Variants in GRIK1 observed in about 807,000 individuals in gnomAD.
GRIK1 encodes glutamate receptor ionotropic, kainate 1.
In GRIK1, 69 loss-of-function variants were observed where a neutral mutation model predicts 105.7. The observed-to-expected ratio is 0.65, with a 90% CI of 0.54 to 0.80. The LOEUF is 0.80. Among genes scored for constraint, GRIK1 ranks in the 30% least tolerant of loss-of-function variants. The pLI, the probability that GRIK1 is intolerant of heterozygous loss-of-function variation, is 0.00. For synonymous variants in GRIK1, 438 were observed against 431.3 expected, an observed-to-expected ratio of 1.02 and a Z score of -0.19; for missense variants, 1,109 against 1,167.3, an observed-to-expected ratio of 0.95 and a Z score of 0.73.
At chr21:29,848,547 A>G (rs2068199794) in intron 1 of GRIK1, among the ~76,000 whole-genome samples, 6 of 151,956 alleles carry the variant, frequency 3.9e-5, no homozygotes. Context: ...GCTTTCTACT[A>G]TCATGCTTGT....
chr21:29,761,543 T>A (rs1429851032), intron 1 of GRIK1: 1 of 152,040 alleles, frequency 6.6e-6, no homozygotes, highest in Non-Finnish European at 1.5e-5. Context: ...AAAAAGCAAA[T>A]CATGCTATAT....
At chr21:29,543,056 A>G (rs2089995726) in intron 16 of GRIK1, among the ~76,000 whole-genome samples, 1 of 152,208 alleles carries the variant, frequency 6.6e-6, no homozygotes, top group Non-Finnish European at 1.5e-5. Flanking sequence ...ATTTCAGTAA[A>G]ATGTAGACTA....
intron 1 of GRIK1, among the ~76,000 whole-genome samples, chr21:29,857,743 G>A (rs1425787933): frequency 1.3e-5 from 2 of 152,068 alleles, no homozygotes; most frequent in African/African-American, 4.8e-5. Flanking sequence ...ATAATCCTCT[G>A]ATTATATATT....
At chr21:29,835,472 C>A (rs2067769807) in intron 1 of GRIK1, among the ~76,000 whole-genome samples, 2 of 152,112 alleles carry the variant, frequency 1.3e-5, no homozygotes, top group Admixed American at 1.3e-4. Flanking sequence ...TGAGACTGTT[C>A]ATCAAATCCA....
intron 1 of GRIK1, among the ~76,000 whole-genome samples, chr21:29,895,594 A>G (rs565577425): frequency 7.9e-5 from 12 of 152,318 alleles, no homozygotes; most frequent in East Asian, 7.7e-4. Flanking sequence ...AACTCCTCCA[A>G]GAAATCTTGC....
intron 12 of GRIK1, among the ~76,000 whole-genome samples, chr21:29,585,322 T>C (rs758370689): frequency 6.6e-6 from 1 of 152,098 alleles, no homozygotes; most frequent in Non-Finnish European, 1.5e-5. Flanking sequence ...GGGAAAACTA[T>C]TGAATGGCGT....
intron 1 of GRIK1, among the ~76,000 whole-genome samples, chr21:29,915,237 A>G (rs915770715): frequency 6.6e-6 from 1 of 151,928 alleles, no homozygotes; most frequent in Non-Finnish European, 1.5e-5. Context: ...GTGCAACCAT[A>G]GAGGATCAGC....
At chr21:29,734,322 T>C (rs1352519753) in intron 1 of GRIK1, among the ~76,000 whole-genome samples, 3 of 152,132 alleles carry the variant, frequency 2.0e-5, no homozygotes, top group African/African-American at 7.2e-5. Context: ...GTGATCCTTT[T>C]AATGGATATA....
At chr21:29,917,252 T>C (rs1003052244) in intron 1 of GRIK1, among the ~76,000 whole-genome samples, 22 of 152,060 alleles carry the variant, frequency 1.4e-4, no homozygotes, top group African/African-American at 4.6e-4. Context: ...CGTTAAAATA[T>C]GCTTTTTACT....
chr21:29,888,161 T>TCTTTCTTTCTTTCTTTC (rs1555905460), intron 1 of GRIK1, among the ~76,000 whole-genome samples: 1 of 7,276 alleles, frequency 1.4e-4, no homozygotes, highest in African/African-American at 3.0e-4. Flanking sequence ...CTCCTTTCTT[T>TCTTTCTTTCTTTCTTTC]TTTCTTTCTT....
chr21:29,672,298 C>T (rs568374763), intron 4 of GRIK1, among the ~76,000 whole-genome samples: 1 of 152,212 alleles, frequency 6.6e-6, no homozygotes, highest in East Asian at 1.9e-4. Flanking sequence ...CTCAGGTGAT[C>T]CTGCCTGCCT....
At chr21:29,893,635 G>T (rs1480123971) in intron 1 of GRIK1, among the ~76,000 whole-genome samples, 4 of 152,182 alleles carry the variant, frequency 2.6e-5, no homozygotes, top group African/African-American at 4.8e-5. Context: ...GGCTGTTATT[G>T]TCATTACTCT....
intron 1 of GRIK1, among the ~76,000 whole-genome samples, chr21:29,765,887 T>G (rs896063435): frequency 6.6e-6 from 1 of 151,414 alleles, no homozygotes; most frequent in African/African-American, 2.4e-5. Context: ...AATCTCGCTC[T>G]GTCACCCAGG....
chr21:29,685,805 G>A lies in GRIK1; in HGVS notation c.544+3923C>T, dbSNP rs1003132042. Among the ~76,000 whole-genome samples, 5 of 152,176 alleles carry A rather than the reference G, an allele frequency of 3.3e-5. No individual in the cohort carries two copies. The South Asian group carries it at 1.0e-3, about 32-fold the overall frequency. ...TCTTTCTGACTTTCTCCTGACCCCC[G>A]GTATCCTACCCCTCTTAATCCACTG... On this transcript the variant is annotated intron_variant, in intron 3 of 17. Transcript: ENST00000327783.
At chr21:29,693,002 A>G (rs955981566) in intron 2 of GRIK1, among the ~76,000 whole-genome samples, 2 of 152,242 alleles carry the variant, frequency 1.3e-5, no homozygotes, top group Admixed American at 6.5e-5. Context: ...TTAATTCTAC[A>G]TGGAAACAAC....
At position 29,593,775 on chromosome 21, in the gene GRIK1, G is replaced by A. The variant is rs59700446; in HGVS notation, c.1252-2550C>T. 4.9e-3 allele frequency among the ~76,000 whole-genome samples: 739 copies of A among 152,284 alleles called. 3 individuals are homozygous for A. The highest frequency in any genetic ancestry group is 0.017 in the African/African-American group (710 of 41,542). ...GTATGTGAGTGTTGGAGGAACTACC[G>A]TAATATTTGAAACTGACAGTGTTCA... On this transcript the variant is annotated intron_variant, in intron 9 of 17. Transcript: ENST00000327783.
At chr21:29,589,872 G>A (rs2061307769) in intron 10 of GRIK1, among the ~76,000 whole-genome samples, 2 of 151,926 alleles carry the variant, frequency 1.3e-5, no homozygotes, top group African/African-American at 2.4e-5. Flanking sequence ...TATATATTTT[G>A]ATTGGTTTCC....
At chr21:29,666,560 CTTG>C (rs2063062909) in intron 4 of GRIK1, among the ~76,000 whole-genome samples, 1 of 152,044 alleles carries the variant, frequency 6.6e-6, no homozygotes, top group Non-Finnish European at 1.5e-5. Flanking sequence ...GGTTTTTATT[CTTG>C]TTGTTGCTTC....
intron 1 of GRIK1, among the ~76,000 whole-genome samples, chr21:29,733,554 CT>C (rs1448482438): frequency 5.9e-5 from 9 of 151,908 alleles, no homozygotes; most frequent in African/African-American, 1.9e-4. Flanking sequence ...TACTTTAAAA[CT>C]TTCCCATTCT....
Sources: gnomAD v4.1 joint callset for allele counts (sites outside exome capture counted in the v4.1 genomes callset) on GRCh38, gnomAD v4.1.1 for gene constraint, MANE v1.5 for transcripts, NCBI Gene and HGNC (gene_info 2026-07-23, HGNC 2026-07-21) for gene names.